The following ALPK2 variants were observed in gnomAD, a reference collection of about 807,000 sequenced individuals.
The protein encoded by ALPK2 is alpha kinase 2.
In ALPK2, 127 loss-of-function variants were observed where a neutral mutation model predicts 163.1. That is an observed-to-expected ratio of 0.78 (90% CI 0.67 to 0.90). The LOEUF (loss-of-function observed/expected upper bound fraction) is 0.90, where lower values mean the gene tolerates loss of function less well. Ranked by LOEUF, ALPK2 falls within the 40% of genes least tolerant of loss-of-function variation. The pLI, the probability that ALPK2 is intolerant of heterozygous loss-of-function variation, is 0.00. For synonymous variants in ALPK2, 953 were observed against 959.1 expected (o/e 0.99, Z 0.12); for missense variants, 2,360 against 2,589.6 (o/e 0.91, Z 1.92).
intron 5 of ALPK2, 23 bp from the exon 6 acceptor site, chr18:58,529,261 T>A: frequency 6.2e-7 from 1 of 1,600,380 alleles, no homozygotes; most frequent in Non-Finnish European, 8.5e-7. Flanking sequence ...TATTTGAAGG[T>A]CAGTGTAACA....
rs1249641074 is a variant in ALPK2, at chr18:58,529,169, C to T, written c.5423G>A (p.Cys1808Tyr). 1 of 1,614,000 alleles carries T rather than the reference C, an allele frequency of 6.2e-7. No individual in the cohort carries two copies. The highest frequency in any genetic ancestry group is 1.3e-5 in the African/African-American group (1 of 75,028). Reference protein sequence around the residue: ...PEHSGNVKLSCQFAEIHEDST... With the variant: ...PEHSGNVKLSYQFAEIHEDST... ...ATCTTCATGAATTTCTGCAAATTGG[C>T]AGCTTAATTTTACATTTCCAGAGTG... The change falls in exon 6 of 13, where the codon TGC becomes TAC. Residue 1808 changes from cysteine to tyrosine, a missense_variant. Coordinates refer to ENST00000361673, the MANE Select transcript of ALPK2 (RefSeq NM_052947.4).
chr18:58,527,715 C>G (rs1469241001), intron 6 of ALPK2, among the ~76,000 whole-genome samples: 1 of 152,134 alleles, frequency 6.6e-6, no homozygotes, highest in Admixed American at 6.5e-5. Flanking sequence ...AAAAAGCAAA[C>G]CATTTCTTTT....
At chr18:58,589,669 C>T (rs899337716) in intron 3 of ALPK2, among the ~76,000 whole-genome samples, 1 of 152,216 alleles carries the variant, frequency 6.6e-6, no homozygotes, top group Non-Finnish European at 1.5e-5. Context: ...GCTCATCCTA[C>T]CCTAAGGGTC....
chr18:58,580,863 C>CT, intron 3 of ALPK2: 1 of 245,736 alleles, frequency 4.1e-6, no homozygotes, highest in Non-Finnish European at 7.8e-6. Context: ...CTTATATGGT[C>CT]TAAGAGGGGG....
Position 58,523,969 on chromosome 18 carries a change from T to G in ALPK2, c.5595A>C (p.Gly1865=), listed in dbSNP as rs758552452. The change falls in exon 7 of 13, where the codon GGA becomes GGC. Residue 1865 remains glycine (G), a synonymous_variant. Coordinates refer to ENST00000361673, the MANE Select transcript of ALPK2 (RefSeq NM_052947.4). ...LYYCCIKNSY[G]KVTAEFNLTA... is the part of the protein sequence containing the mutation. ...TGAGGTTAAATTCAGCAGTCACTTT[T>G]CCGTAGCTGTTCTTGATGCAGCAGT... 1 of 1,614,206 alleles carries G rather than the reference T, an allele frequency of 6.2e-7. No homozygotes were observed. The highest frequency in any genetic ancestry group is 1.7e-5 in the Admixed American group (1 of 60,032).
At chr18:58,567,925 A>G (rs1178176609) in intron 4 of ALPK2, among the ~76,000 whole-genome samples, 3 of 151,834 alleles carry the variant, frequency 2.0e-5, no homozygotes, top group Non-Finnish European at 4.4e-5. Flanking sequence ...TGGCTCAGAG[A>G]CCCACTTCTG....
At chr18:58,526,047 C>T (rs2051583171) in intron 6 of ALPK2, among the ~76,000 whole-genome samples, 1 of 149,946 alleles carries the variant, frequency 6.7e-6, no homozygotes, top group Admixed American at 6.6e-5. Flanking sequence ...ACAGAAAATA[C>T]CAATACAGCT....
At chr18:58,573,264 G>A (rs183014779) in intron 4 of ALPK2, among the ~76,000 whole-genome samples, 5 of 28,610 alleles carry the variant, frequency 1.7e-4, no homozygotes, top group African/African-American at 4.9e-4. Flanking sequence ...GTATATATGT[G>A]TATATATATG....
chr18:58,561,516 G>A (rs193224685), intron 4 of ALPK2, among the ~76,000 whole-genome samples: 17 of 152,300 alleles, frequency 1.1e-4, no homozygotes, highest in Admixed American at 2.6e-4. Flanking sequence ...GATGCAGTTA[G>A]TTTATTCAGG....
At chr18:58,508,200 C>T (rs762499470) in intron 10 of ALPK2, among the ~76,000 whole-genome samples, 1 of 152,172 alleles carries the variant, frequency 6.6e-6, no homozygotes, top group Admixed American at 6.5e-5. Flanking sequence ...TCCTAGCCCC[C>T]TGCATTCTAA....
chr18:58,491,331 GC>G (rs1157677662), intron 12 of ALPK2, among the ~76,000 whole-genome samples: 2 of 152,234 alleles, frequency 1.3e-5, no homozygotes, highest in Non-Finnish European at 2.9e-5. Context: ...GAACTAGACT[GC>G]CTTTGCAGGA....
intron 4 of ALPK2, among the ~76,000 whole-genome samples, chr18:58,568,343 C>T (rs2051867302): frequency 6.6e-6 from 1 of 152,210 alleles, no homozygotes. Context: ...CGGGCAAGGA[C>T]TCCCGAATCC....
chr18:58,553,850 GTTTTTTTTTTT>G (rs71173061), intron 4 of ALPK2, among the ~76,000 whole-genome samples: 1 of 73,994 alleles, frequency 1.4e-5, no homozygotes, highest in African/African-American at 5.7e-5. Context: ...TTTTTTTTTG[GTTTTTTTTTTT>G]TTTTTTTTTT....
chr18:58,596,691 A>T (rs189494498), intron 3 of ALPK2, among the ~76,000 whole-genome samples: 1 of 152,330 alleles, frequency 6.6e-6, no homozygotes, highest in African/African-American at 2.4e-5. Context: ...GCCACAGTTC[A>T]TTCAAATCAT....
Position 58,579,568 on chromosome 18 carries a change from T to C in ALPK2, c.1208A>G (p.His403Arg). ...PMVATAGFCG[H>R]HSQPQEVGVR... ...CCCAACTTCTTGGGGTTGTGAGTGATGACCACAGAAGCCAGCAGTGGCAAC... is the reference window on the plus strand; with the variant it reads ...CCCAACTTCTTGGGGTTGTGAGTGACGACCACAGAAGCCAGCAGTGGCAAC... Residue 403 changes from histidine to arginine, a missense_variant, in exon 4 of 13, where the codon CAT becomes CGT. Coordinates refer to ENST00000361673, the MANE Select transcript of ALPK2 (RefSeq NM_052947.4). 6.2e-7 allele frequency: 1 copy of C among 1,613,518 alleles called. No homozygotes were observed. The highest frequency in any genetic ancestry group is 8.5e-7 in the Non-Finnish European group (1 of 1,179,978).
At chr18:58,606,284 T>C (rs1046783496) in intron 3 of ALPK2, among the ~76,000 whole-genome samples, 1 of 152,136 alleles carries the variant, frequency 6.6e-6, no homozygotes, top group African/African-American at 2.4e-5. Context: ...CTCACTGTGT[T>C]GCCCAGGCTT....
chr18:58,572,646 A>G (rs1230325894), intron 4 of ALPK2, among the ~76,000 whole-genome samples: 15 of 152,240 alleles, frequency 9.9e-5, no homozygotes. Context: ...CCATTTATGT[A>G]ACATGTTTGA....
chr18:58,492,213 C>T (rs1028854753), intron 12 of ALPK2, among the ~76,000 whole-genome samples: 4 of 152,208 alleles, frequency 2.6e-5, no homozygotes, highest in Admixed American at 6.5e-5. Flanking sequence ...TACACACAGA[C>T]ACACATGCAC....
At chr18:58,547,001 G>A (rs1225455986) in intron 4 of ALPK2, among the ~76,000 whole-genome samples, 1 of 123,338 alleles carries the variant, frequency 8.1e-6, no homozygotes, top group Non-Finnish European at 1.8e-5. Flanking sequence ...GAAAAATGGA[G>A]TAGGGTGATG....
Sources: gnomAD v4.1 joint callset for allele counts (sites outside exome capture counted in the v4.1 genomes callset) on GRCh38, gnomAD v4.1.1 for gene constraint, MANE v1.5 for transcripts, NCBI Gene and HGNC (gene_info 2026-07-23, HGNC 2026-07-21) for gene names.